The following SBF1 variants were observed in gnomAD, a reference collection of about 807,000 sequenced individuals.
SBF1 encodes myotubularin-related protein 5.
A neutral mutation model predicts 215.8 loss-of-function variants in SBF1; 65 were observed. The ratio of observed to expected loss-of-function variants is 0.30; its 90% CI spans 0.25 to 0.37. SBF1 has a LOEUF of 0.37. Among genes scored for constraint, SBF1 ranks in the 10% least tolerant of loss-of-function variants. SBF1 has a pLI of 1.00. For missense variants in SBF1, 2,634 were observed against 2,667.8 expected (o/e 0.99, Z 0.28); for synonymous variants, 1,410 against 1,122.8 (o/e 1.26, Z -5.11).
chr22:50,452,707 G>A (rs1037105391), intron 36 of SBF1, among the ~76,000 whole-genome samples: 2 of 127,768 alleles, frequency 1.6e-5, no homozygotes, highest in African/African-American at 3.1e-5. Context: ...GGGTGACTGA[G>A]GGAGACTCCA....
Position 50,447,451 on chromosome 22 carries a change from C to A in SBF1, c.5454G>T (p.Leu1818=), listed in dbSNP as rs868581419. 8.7e-6 allele frequency: 14 copies of A among 1,607,602 alleles called. No homozygotes were observed. In the Middle Eastern group the frequency reaches 2.3e-3, roughly 265 times the overall value. ...TGTCCACACGGTGGTCGTAGTAGCG[C>A]AGCTGGAGGAGGCCACAGAGTCAGC... ...WFVLDKTKHQ[L]RYYDHRVDTE... Residue 1818 remains leucine (L), a splice_region_variant and synonymous_variant, in exon 40 of 41, where the codon CTG becomes CTT. Coordinates refer to ENST00000380817, the MANE Select transcript of SBF1 (RefSeq NM_002972.4).
chr22:50,460,707 C>T lies in SBF1; in HGVS notation c.2973G>A (p.Leu991=). Residue 991 remains leucine (L), a synonymous_variant, in exon 24 of 41, where the codon CTG becomes CTA. Coordinates refer to ENST00000380817, the MANE Select transcript of SBF1 (RefSeq NM_002972.4). ...LQLRSCTFQL[L]KMAFDEEVGS... ...CCACCTCCTCGTCAAAGGCCATTTTCAGCAGCTGTGTCAGTAAAAGCAGCC... is the reference window on the plus strand; with the variant it reads ...CCACCTCCTCGTCAAAGGCCATTTTTAGCAGCTGTGTCAGTAAAAGCAGCC... The T allele has an allele frequency of 6.2e-7, 1 of 1,612,772 alleles. No individual in the cohort carries two copies.
Position 50,463,355 on chromosome 22 carries a change from C to T in SBF1, c.1827G>A (p.Val609=). 6.2e-7 allele frequency: 1 copy of T among 1,610,924 alleles called. No individual in the cohort carries two copies. The highest frequency in any genetic ancestry group is 8.5e-7 in the Non-Finnish European group (1 of 1,178,630). Residue 609 remains valine (V), a synonymous_variant, in exon 16 of 41, where the codon GTG becomes GTA. Transcript: ENST00000380817. ...RCLAQELHLH[V]QQNRAVLDHQ... ...GGTCCAGGACCGCACGGTTCTGCTG[C>T]ACATGCAGGTGCAGCTCCTGGGCGA...
intron 11 of SBF1, 37 bp from the exon 12 acceptor site, chr22:50,465,166 C>T (rs751719581): frequency 6.2e-7 from 1 of 1,613,796 alleles, no homozygotes; most frequent in Non-Finnish European, 8.5e-7. Flanking sequence ...TCAGGGGTCT[C>T]CACCATGCGC....
intron 32 of SBF1, 22 bp downstream of exon 32, chr22:50,455,459 C>T (rs779451525): frequency 6.2e-7 from 1 of 1,612,440 alleles, no homozygotes; most frequent in Non-Finnish European, 8.5e-7. Context: ...CCTGGCCCAC[C>T]CCAGCCCCAC....
intron 24 of SBF1, 39 bp from the exon 25 acceptor site, chr22:50,460,447 G>T (rs757841339): frequency 7.5e-6 from 12 of 1,602,060 alleles, no homozygotes; most frequent in Non-Finnish European, 8.5e-6. Flanking sequence ...AGAGGAGGAG[G>T]GACAAAGATG....
At chr22:50,472,449 C>T (rs1486651247) in intron 1 of SBF1, among the ~76,000 whole-genome samples, 1 of 152,198 alleles carries the variant, frequency 6.6e-6, no homozygotes, top group Non-Finnish European at 1.5e-5. Flanking sequence ...AGAGAGGATC[C>T]TCTACCCACT....
rs755290851 is a variant in SBF1 at position 50,460,566 on chromosome 22, C to T, written c.3114G>A (p.Pro1038=). The T allele has an allele frequency of 4.3e-6, 7 of 1,614,066 alleles. No individual in the cohort carries two copies. Among genetic ancestry groups the T allele is most frequent in the South Asian group, 3.3e-5 (3 of 91,084 alleles). ...AAGGACCCTTGTCCTTGGTGACTCG[C>T]GGTGGCCGGCCAGGTGTGTGGGCAG... ...LGSAHTPGRP[P]RVTKDKGPSL... Residue 1038 remains proline (P), a synonymous_variant, in exon 24 of 41, where the codon CCG becomes CCA. Transcript: ENST00000380817.
Position 50,455,287 on chromosome 22 carries a change from G to T in SBF1, c.4491C>A (p.Thr1497=), listed in dbSNP as rs756059526. The change falls in exon 33 of 41, where the codon ACC becomes ACA. Residue 1497 remains threonine, a synonymous_variant. Transcript: ENST00000380817. ...TGAAGCCGCTGCTCTGCCCGGCCAG[G>T]GTGTGAGCTCCACGGTGGCTGAAGC... ...GHRFSHRGAH[T]LAGQSSGFTP... 83 of 1,613,420 alleles carry T rather than the reference G, an allele frequency of 5.1e-5. No homozygotes were observed. Among genetic ancestry groups the T allele is most frequent in the Non-Finnish European group, 6.9e-5 (81 of 1,179,928 alleles).
intron 5 of SBF1, 190 bp downstream of exon 5, chr22:50,467,148 G>A (rs1234081679): frequency 1.9e-4 from 112 of 604,866 alleles, no homozygotes; most frequent in Non-Finnish European, 4.7e-5. Context: ...GAACGACACA[G>A]GCCCAGAGCA....
intron 1 of SBF1, 38 bp downstream of exon 1, chr22:50,474,720 CCAGCCCCTGGCCCTCAGCACTCGACCCT>C (rs2068116540): frequency 7.3e-7 from 1 of 1,366,396 alleles, no homozygotes; most frequent in Non-Finnish European, 9.7e-7. Flanking sequence ...ACCCTCAGAC[CCAGCCCCTGGCCCTCAGCACTCGACCCT>C]CGGCCCCCGG....
intron 1 of SBF1, 49 bp downstream of exon 1, chr22:50,474,737 G>C: frequency 5.6e-6 from 8 of 1,423,022 alleles, no homozygotes; most frequent in Non-Finnish European, 7.4e-6. Context: ...CTGGCCCTCA[G>C]CACTCGACCC....
intron 31 of SBF1, 193 bp downstream of exon 31, chr22:50,456,023 G>A: frequency 3.2e-6 from 2 of 632,230 alleles, no homozygotes; most frequent in Non-Finnish European, 2.7e-6. Flanking sequence ...CACTCTCACT[G>A]TCAGCTGGCC....
At chr22:50,452,239 A>G (rs2067075384) in intron 36 of SBF1, among the ~76,000 whole-genome samples, 1 of 150,942 alleles carries the variant, frequency 6.6e-6, no homozygotes, top group African/African-American at 2.5e-5. Flanking sequence ...GTTTTCAGAT[A>G]AACAAAAGCT....
intron 17 of SBF1, 74 bp from the exon 18 acceptor site, chr22:50,462,791 G>T: frequency 6.2e-7 from 1 of 1,608,966 alleles, no homozygotes; most frequent in Non-Finnish European, 8.5e-7. Context: ...TCGGCCACCA[G>T]GAAGGGGGGC....
In SBF1 at chr22:50,455,319, C is replaced by G; in HGVS notation, c.4459G>C (p.Gly1487Arg). The G allele has an allele frequency of 6.2e-7, 1 of 1,613,420 alleles. No homozygotes were observed. Among genetic ancestry groups the G allele is most frequent in the Non-Finnish European group, 8.5e-7 (1 of 1,179,942 alleles). ...LLVEKEWLSF[G>R]HRFSHRGAHT... ...GCTCCACGGTGGCTGAAGCGATGGC[C>G]GAAGGACAGCCACTCCTTCTCCACC... The change falls in exon 33 of 41, where the codon GGC becomes CGC. Residue 1487 changes from glycine (G) to arginine (R), a missense_variant. Coordinates refer to ENST00000380817, the MANE Select transcript of SBF1 (RefSeq NM_002972.4).
At chr22:50,456,195 G>A in intron 31 of SBF1, 21 bp downstream of exon 31, 1 of 1,608,060 alleles carries the variant, frequency 6.2e-7, no homozygotes, top group South Asian at 1.1e-5. Context: ...GGCGGGCAGA[G>A]GGACGGGGCA....
Position 50,474,782 on chromosome 22 carries a change from TCA to T in SBF1, c.55+2_55+3del. On this transcript the variant is annotated splice_donor_variant and splice_donor_region_variant and intron_variant, in intron 1 of 40. Transcript: ENST00000380817. LOFTEE classifies it high-confidence loss of function. Reference sequence around the variant, plus strand: ...GGCCCTCAGCGCTTGGCCTCGGCACTCACCGCGCGGGTGCGGCCCGAACGCCA... The same window carrying T: ...GGCCCTCAGCGCTTGGCCTCGGCACTCCGCGCGGGTGCGGCCCGAACGCCA... The T allele has an allele frequency of 6.8e-7, 1 of 1,460,048 alleles. No individual in the cohort carries two copies. Among genetic ancestry groups the T allele is most frequent in the Non-Finnish European group, 9.0e-7 (1 of 1,110,350 alleles). The allele number at this position is 1,460,048 out of a possible 1,614,324, so 90.4% of individuals were successfully genotyped here.
chr22:50,456,315 G>C lies in SBF1; in HGVS notation c.4167C>G (p.Phe1389Leu). ...GGACACATGCTTTCAGCAGCTTCTT[G>C]AAGCTAGCCTTCACCTGCCGTGCCT... ...VFEARQVKAS[F>L]KKLLKACVPG... The change falls in exon 31 of 41, where the codon TTC becomes TTG. Residue 1389 changes from phenylalanine (F) to leucine (L), a missense_variant. By Grantham distance (22) the Phe-to-Leu change is conservative. Coordinates refer to ENST00000380817, the MANE Select transcript of SBF1 (RefSeq NM_002972.4). The C allele has an allele frequency of 6.2e-7, 1 of 1,613,104 alleles. No homozygotes were observed. Among genetic ancestry groups the C allele is most frequent in the Non-Finnish European group, 8.5e-7 (1 of 1,179,996 alleles).
Sources: gnomAD v4.1 joint callset for allele counts (sites outside exome capture counted in the v4.1 genomes callset) on GRCh38, gnomAD v4.1.1 for gene constraint, MANE v1.5 for transcripts, NCBI Gene and HGNC (gene_info 2026-07-23, HGNC 2026-07-21) for gene names.